Variants in ACACA observed in about 807,000 individuals in gnomAD.
The protein encoded by ACACA is acetyl-CoA carboxylase alpha, also known as acetyl-CoA carboxylase 1.
Under a neutral mutation model 296.1 loss-of-function variants are expected in ACACA, and 103 were observed. The observed-to-expected ratio is 0.35, with a 90% CI of 0.30 to 0.41. The LOEUF (loss-of-function observed/expected upper bound fraction) is 0.41. ACACA is among the 10% of genes least tolerant of loss of function. The pLI is 1.00. For missense variants in ACACA, 1,554 were observed against 2,989.7 expected, an observed-to-expected ratio of 0.52 and a Z score of 11.20; for synonymous variants, 953 against 1,038.6, an observed-to-expected ratio of 0.92 and a Z score of 1.58.
At position 37,154,154 on chromosome 17, in the gene ACACA, A is replaced by T. The variant is rs550371067; in HGVS notation, c.5447+1529T>A. 1.1e-4 allele frequency among the ~76,000 whole-genome samples: 16 copies of T among 152,246 alleles called. 1 individual carries two copies. In the South Asian group the frequency reaches 3.3e-3, roughly 32 times the overall value. On this transcript the variant is annotated intron_variant, in intron 43 of 55. Coordinates refer to ENST00000616317, the MANE Select transcript of ACACA (RefSeq NM_198834.3). ...AGACTCTATCTCTAAAATTAAAAAA[A>T]TAATTAGCTGGGCATGATGGCACCT...
At chr17:37,215,950 G>C (rs1221986137) in intron 29 of ACACA, among the ~76,000 whole-genome samples, 22 of 151,696 alleles carry the variant, frequency 1.5e-4, no homozygotes, top group Non-Finnish European at 1.5e-5. Context: ...ATAATAAAAT[G>C]CTCCCTTAGT....
At chr17:37,225,237 A>G (rs1299549543) in intron 26 of ACACA, 132 bp from the exon 27 acceptor site, 2 of 676,240 alleles carry the variant, frequency 3.0e-6, no homozygotes, top group Admixed American at 2.1e-5. Flanking sequence ...ACAGAGACCA[A>G]GTAAAACAAC....
chr17:37,251,676 G>C (rs1039711043), intron 16 of ACACA, among the ~76,000 whole-genome samples: 2 of 152,142 alleles, frequency 1.3e-5, no homozygotes, highest in Non-Finnish European at 2.9e-5. Context: ...TCAGTGCTAG[G>C]GAGAAATACC....
chr17:37,143,183 C>T (rs987758776), intron 45 of ACACA, among the ~76,000 whole-genome samples: 1 of 150,262 alleles, frequency 6.7e-6, no homozygotes, highest in African/African-American at 2.5e-5. Flanking sequence ...CAGCCTGGCT[C>T]TAGCCTCTCC....
intron 1 of ACACA, among the ~76,000 whole-genome samples, chr17:37,357,789 A>G (rs1363863719): frequency 2.0e-5 from 3 of 152,180 alleles, no homozygotes; most frequent in Non-Finnish European, 2.9e-5. Context: ...TGCCTGTCAA[A>G]TAAGCACCAC....
chr17:37,380,192 G>T (rs1014585679), intron 1 of ACACA, among the ~76,000 whole-genome samples: 1 of 147,774 alleles, frequency 6.8e-6, no homozygotes. Flanking sequence ...ACCAAACACC[G>T]CATATTCTCA....
chr17:37,330,295 G>T lies in ACACA; in HGVS notation c.216C>A (p.Asn72Lys). 1 of 1,614,166 alleles carries T rather than the reference G, an allele frequency of 6.2e-7. No individual in the cohort carries two copies. Among genetic ancestry groups the T allele is most frequent in the Non-Finnish European group, 8.5e-7 (1 of 1,180,032 alleles). Reference sequence around the variant, plus strand: ...CCTCCAGTAGGTCCAACTTCACCAGGTTGCTGATCTCATCCTCTGAGTTAT... The same window carrying T: ...CCTCCAGTAGGTCCAACTTCACCAGTTTGCTGATCTCATCCTCTGAGTTAT... ...SEDNSEDEIS[N>K]LVKLDLLEEK... Residue 72 changes from asparagine to lysine, a missense_variant, in exon 3 of 56, where the codon AAC (asparagine) becomes AAA (lysine). Transcript: ENST00000616317.
At chr17:37,402,122 A>G (rs892214034) in intron 1 of ACACA, among the ~76,000 whole-genome samples, 10 of 152,300 alleles carry the variant, frequency 6.6e-5, no homozygotes, top group Admixed American at 2.0e-4. Context: ...ATATAAATTT[A>G]TGGCTTAAAG....
At chr17:37,197,665 C>T (rs2078065010) in intron 35 of ACACA, among the ~76,000 whole-genome samples, 1 of 152,178 alleles carries the variant, frequency 6.6e-6, no homozygotes, top group Non-Finnish European at 1.5e-5. Context: ...ACAGTGACCC[C>T]CAGATTTGTA....
chr17:37,218,635 T>C (rs549879958), intron 29 of ACACA, among the ~76,000 whole-genome samples: 1 of 152,324 alleles, frequency 6.6e-6, no homozygotes, highest in African/African-American at 2.4e-5. Context: ...AATATGTGTA[T>C]TTTCAAATTA....
rs1484403710 is a variant in ACACA, at chr17:37,330,231, C to G, written c.280G>C (p.Asp94His). 6.2e-7 allele frequency: 1 copy of G among 1,614,196 alleles called. No homozygotes were observed. ...GSLSPASVGS[D>H]TLSDLGISSL... is the part of the protein sequence containing the mutation. ...GAGATCCCCAAATCAGAGAGTGTAT[C>G]TGAGCCAACAGAAGCAGGTGACAAG... Residue 94 changes from aspartate (D) to histidine (H), a missense_variant, in exon 3 of 56, where the codon GAT becomes CAT. This residue lies in a region of ACACA where 140 missense variants were observed against 147.7 expected (regional missense o/e 0.95). Transcript: ENST00000616317.
intron 21 of ACACA, 86 bp downstream of exon 21, chr17:37,244,502 T>A (rs1027088261): frequency 1.3e-6 from 2 of 1,541,248 alleles, no homozygotes; most frequent in Non-Finnish European, 1.8e-6. Flanking sequence ...TTCCTCCCTC[T>A]TAAACAATCA....
chr17:37,112,693 AAG>A (rs2074043458), intron 51 of ACACA, among the ~76,000 whole-genome samples: 1 of 152,246 alleles, frequency 6.6e-6, no homozygotes, highest in African/African-American at 2.4e-5. Flanking sequence ...CTGGGGGGAC[AAG>A]AGAGAAGCGG....
intron 28 of ACACA, 29 bp from the exon 29 acceptor site, chr17:37,221,871 A>G: frequency 6.3e-7 from 1 of 1,574,948 alleles, no homozygotes; most frequent in East Asian, 2.2e-5. Flanking sequence ...TCAGTAAATA[A>G]ATTTCAAAAA....
chr17:37,309,133 C>T (rs924330821), intron 3 of ACACA, among the ~76,000 whole-genome samples: 5 of 152,096 alleles, frequency 3.3e-5, no homozygotes, highest in Non-Finnish European at 1.5e-5. Context: ...ACAGTCCTCT[C>T]GCCTCAGCCT....
At chr17:37,320,836 A>G (rs1255933108) in intron 3 of ACACA, among the ~76,000 whole-genome samples, 2 of 151,532 alleles carry the variant, frequency 1.3e-5, no homozygotes, top group Non-Finnish European at 2.9e-5. Flanking sequence ...AATCCCAGCT[A>G]CTTGGGAGGC....
chr17:37,104,944 G>GGA (rs1555546831), intron 52 of ACACA, among the ~76,000 whole-genome samples: 158 of 56,648 alleles, frequency 2.8e-3, no homozygotes, highest in African/African-American at 0.011. Context: ...GTCTCTGACC[G>GGA]AAAAAAAAAA....
At chr17:37,377,659 CAATA>C (rs140365002) in intron 1 of ACACA, among the ~76,000 whole-genome samples, 48,360 of 143,306 alleles carry the variant, frequency 0.34, 8,227 homozygotes, top group East Asian at 0.45. Flanking sequence ...GACTCCGTCT[CAATA>C]AATAAATAAA....
chr17:37,148,464 G>A (rs2075906643), intron 45 of ACACA, among the ~76,000 whole-genome samples: 1 of 152,182 alleles, frequency 6.6e-6, no homozygotes, highest in African/African-American at 2.4e-5. Flanking sequence ...CGCATCAAAT[G>A]ATTCCTCTAA....
Sources: allele counts gnomAD v4.1 joint callset (sites outside exome capture counted in the v4.1 genomes callset), GRCh38; gene constraint gnomAD v4.1.1; regional missense constraint gnomAD v4.1.1; transcripts MANE v1.5; gene names NCBI Gene and HGNC (gene_info 2026-07-23, HGNC 2026-07-21).